The following GABRB3 variants were observed in gnomAD, a reference collection of about 807,000 sequenced individuals.
The protein encoded by GABRB3 is gamma-aminobutyric acid type A receptor subunit beta3, also known as gamma-aminobutyric acid receptor subunit beta-3.
GABRB3 carries 14 observed loss-of-function variants against 52.1 expected under a neutral mutation model. The observed-to-expected ratio is 0.27, with a 90% CI of 0.18 to 0.42. GABRB3 has a LOEUF of 0.42. Among genes scored for constraint, GABRB3 ranks in the 10% least tolerant of loss-of-function variants. The probability of loss-of-function intolerance (pLI) is 1.00; values close to 1 mark genes in which losing one functional copy is unlikely to be tolerated. For missense variants in GABRB3, 307 were observed against 609.1 expected (o/e 0.50, Z 5.22); for synonymous variants, 260 against 232.3 (o/e 1.12, Z -1.08).
chr15:26,765,247 A>G (rs1890965944), intron 3 of GABRB3, among the ~76,000 whole-genome samples: 1 of 152,082 alleles, frequency 6.6e-6, no homozygotes, highest in Non-Finnish European at 1.5e-5. Flanking sequence ...GGTGCTTAGA[A>G]TATCCTCACC....
At position 26,751,506 on chromosome 15, in the gene GABRB3, T is replaced by C. The variant is rs111604762; in HGVS notation, c.240+20896A>G. Among the ~76,000 whole-genome samples the C allele has an allele frequency of 3.3e-5, 5 of 152,136 alleles. No homozygotes were observed. In the South Asian group the frequency reaches 8.3e-4, roughly 25 times the overall value. ...ACACAGAAGATCATGAGATAAAGAATCTGAAAGTAACCACCTCCACTGCCT... is the reference window on the plus strand; with the variant it reads ...ACACAGAAGATCATGAGATAAAGAACCTGAAAGTAACCACCTCCACTGCCT... On this transcript the variant is annotated intron_variant, in intron 3 of 8. Transcript: ENST00000311550.
chr15:26,655,111 A>G (rs1338369930), intron 3 of GABRB3, among the ~76,000 whole-genome samples: 2 of 152,188 alleles, frequency 1.3e-5, no homozygotes, highest in Non-Finnish European at 2.9e-5. Context: ...AGGATTGTGA[A>G]TATTTTGGTG....
chr15:26,600,054 C>T (rs1041946246), intron 4 of GABRB3, among the ~76,000 whole-genome samples: 1 of 151,526 alleles, frequency 6.6e-6, no homozygotes, highest in Non-Finnish European at 1.5e-5. Context: ...AGAAAAGAAC[C>T]AGATACAAAT....
At chr15:26,601,396 C>A (rs777904970) in intron 4 of GABRB3, among the ~76,000 whole-genome samples, 1 of 149,942 alleles carries the variant, frequency 6.7e-6, no homozygotes, top group Non-Finnish European at 1.5e-5. Flanking sequence ...GGCGACACAG[C>A]GAAACTCCGT....
At chr15:26,617,123 T>C (rs1021880381) in intron 4 of GABRB3, among the ~76,000 whole-genome samples, 4 of 152,144 alleles carry the variant, frequency 2.6e-5, no homozygotes, top group Non-Finnish European at 5.9e-5. Flanking sequence ...CAGCACCAGA[T>C]GGATTCACAG....
intron 3 of GABRB3, among the ~76,000 whole-genome samples, chr15:26,767,413 T>A (rs1379806830): frequency 2.6e-5 from 4 of 152,214 alleles, no homozygotes; most frequent in African/African-American, 9.6e-5. Flanking sequence ...CCTGCTAACA[T>A]GTGATAGTGT....
Position 26,547,826 on chromosome 15 carries a change from G to A in GABRB3, c.1389C>T (p.Phe463=). 1.2e-6 allele frequency: 2 copies of A among 1,613,956 alleles called. No individual in the cohort carries two copies. The highest frequency in any genetic ancestry group is 1.7e-6 in the Non-Finnish European group (2 of 1,180,004). The part of the protein sequence containing the change: ...RIVFPFTFSL[F]NLVYWLYYVN ...CATAGTACAGCCAGTAAACTAAGTT[G>A]AAAAGAGAAAAAGTGAATGGAAACA... The change falls in exon 9 of 9, where the codon TTC becomes TTT. Residue 463 remains phenylalanine, a synonymous_variant. Coordinates refer to ENST00000311550, the MANE Select transcript of GABRB3 (RefSeq NM_000814.6).
chr15:26,637,265 T>G (rs1014072418), intron 3 of GABRB3, among the ~76,000 whole-genome samples: 2 of 152,180 alleles, frequency 1.3e-5, no homozygotes, highest in African/African-American at 4.8e-5. Context: ...CCTAACAACC[T>G]TCTCCTGACT....
intron 3 of GABRB3, among the ~76,000 whole-genome samples, chr15:26,662,532 A>G (rs2217068): frequency 0.098 from 14,914 of 152,230 alleles, 844 homozygotes; most frequent in African/African-American, 0.13. Context: ...GTAAAACCCC[A>G]TAATAATTAG....
chr15:26,669,966 T>C (rs1235404951), intron 3 of GABRB3, among the ~76,000 whole-genome samples: 1 of 152,234 alleles, frequency 6.6e-6, no homozygotes, highest in Non-Finnish European at 1.5e-5. Flanking sequence ...TATGTGTGTC[T>C]GAATCCAGTG....
intron 3 of GABRB3, among the ~76,000 whole-genome samples, chr15:26,693,387 G>A (rs1888643414): frequency 6.6e-6 from 1 of 152,152 alleles, no homozygotes; most frequent in Admixed American, 6.5e-5. Context: ...GAGAGGAAAT[G>A]GAAAGGAATT....
chr15:26,571,711 T>C (rs931835947), intron 6 of GABRB3, among the ~76,000 whole-genome samples: 1 of 152,194 alleles, frequency 6.6e-6, no homozygotes, highest in African/African-American at 2.4e-5. Context: ...TTCGCCAAGA[T>C]ACTCATTGAC....
chr15:26,578,145 C>T (rs540227072), intron 6 of GABRB3, among the ~76,000 whole-genome samples: 1 of 152,268 alleles, frequency 6.6e-6, no homozygotes, highest in South Asian at 2.1e-4. Context: ...ATCTTGTTTA[C>T]TAGTCACATT....
chr15:26,602,281 G>A (rs1411235575), intron 4 of GABRB3, among the ~76,000 whole-genome samples: 1 of 152,134 alleles, frequency 6.6e-6, no homozygotes, highest in Non-Finnish European at 1.5e-5. Flanking sequence ...AAGAGCCAAA[G>A]AGAGAGATAG....
intron 4 of GABRB3, among the ~76,000 whole-genome samples, chr15:26,586,397 A>ACACACACAC (rs149254517): frequency 1.4e-5 from 2 of 138,010 alleles, no homozygotes; most frequent in Non-Finnish European, 3.1e-5. Flanking sequence ...AACCACCCCT[A>ACACACACAC]ACACACACAC....
chr15:26,596,332 G>GA (rs1271230654), intron 4 of GABRB3, among the ~76,000 whole-genome samples: 1 of 152,026 alleles, frequency 6.6e-6, no homozygotes. Context: ...TAAAACATAA[G>GA]AAAAAGCAAT....
At chr15:26,619,518 T>G (rs1047684845) in intron 4 of GABRB3, among the ~76,000 whole-genome samples, 1 of 85,120 alleles carries the variant, frequency 1.2e-5, no homozygotes, top group African/African-American at 4.8e-5. Context: ...GGGACTGTTG[T>G]GGGGTGGGGG....
chr15:26,695,846 C>A (rs923415313), intron 3 of GABRB3, among the ~76,000 whole-genome samples: 3 of 152,118 alleles, frequency 2.0e-5, no homozygotes, highest in African/African-American at 7.2e-5. Context: ...AAACAGAGAG[C>A]AGAGAGGCTT....
chr15:26,770,965 T>C (rs1362266561), intron 3 of GABRB3, among the ~76,000 whole-genome samples: 3 of 152,252 alleles, frequency 2.0e-5, no homozygotes, highest in Non-Finnish European at 4.4e-5. Flanking sequence ...CTAACACTTT[T>C]ACTGATACAA....
Sources: allele counts gnomAD v4.1 joint callset (sites outside exome capture counted in the v4.1 genomes callset), GRCh38; gene constraint gnomAD v4.1.1; transcripts MANE v1.5; gene names NCBI Gene and HGNC (gene_info 2026-07-23, HGNC 2026-07-21).